The following INPP4B variants were observed in gnomAD, a reference collection of about 807,000 sequenced individuals.
INPP4B encodes the protein inositol polyphosphate 4-phosphatase type II.
Under a neutral mutation model 122.5 loss-of-function variants are expected in INPP4B, and 55 were observed. The observed-to-expected ratio is 0.45, with a 90% CI of 0.36 to 0.56. The LOEUF is 0.56. Among genes scored for constraint, INPP4B ranks in the 20% least tolerant of loss-of-function variants. INPP4B has a pLI of 0.00. For missense variants in INPP4B, 1,000 were observed against 1,097.7 expected (o/e 0.91, Z 1.26); for synonymous variants, 403 against 388.7 (o/e 1.04, Z -0.43).
At chr4:142,550,979 C>T (rs1002670802) in intron 2 of INPP4B, among the ~76,000 whole-genome samples, 12 of 152,074 alleles carry the variant, frequency 7.9e-5, no homozygotes, top group African/African-American at 2.9e-4. Flanking sequence ...TTGCTTGGCA[C>T]ATATGAAATA....
chr4:142,071,560 T>A (rs977122590), intron 25 of INPP4B, among the ~76,000 whole-genome samples: 1 of 152,096 alleles, frequency 6.6e-6, no homozygotes, highest in Non-Finnish European at 1.5e-5. Flanking sequence ...ACCTACAGAA[T>A]GGGAGAAAAT....
chr4:142,041,854 T>C (rs1471154373), intron 25 of INPP4B, among the ~76,000 whole-genome samples: 1 of 151,792 alleles, frequency 6.6e-6, no homozygotes, highest in African/African-American at 2.4e-5. Flanking sequence ...CAGACACATG[T>C]ACTGCATCTC....
chr4:142,745,427 G>A lies in INPP4B; in HGVS notation c.-253-19526C>T, dbSNP rs181894455. 1.1e-4 allele frequency among the ~76,000 whole-genome samples: 17 copies of A among 151,854 alleles called. No individual in the cohort carries two copies. In the East Asian group the frequency reaches 2.3e-3, roughly 21 times the overall value. Reference sequence around the variant, plus strand: ...AGGAAAAATCTTGCCTACTTGTTTCGTAAATATTTGTGGAAAAAAATCGCC... The same window carrying A: ...AGGAAAAATCTTGCCTACTTGTTTCATAAATATTTGTGGAAAAAAATCGCC... On this transcript the variant is annotated intron_variant, in intron 1 of 25. Coordinates refer to ENST00000262992, the MANE Select transcript of INPP4B (RefSeq NM_001101669.3).
intron 1 of INPP4B, among the ~76,000 whole-genome samples, chr4:142,820,297 A>G (rs1028768785): frequency 6.6e-6 from 1 of 152,076 alleles, no homozygotes; most frequent in Non-Finnish European, 1.5e-5. Flanking sequence ...GGGAGAGTGA[A>G]TGAGCTCTTG....
At chr4:142,800,803 TTA>T (rs1226034688) in intron 1 of INPP4B, among the ~76,000 whole-genome samples, 3 of 152,188 alleles carry the variant, frequency 2.0e-5, no homozygotes, top group Non-Finnish European at 4.4e-5. Context: ...TTGGAACGTC[TTA>T]TGTTTCCATT....
At chr4:142,432,318 A>T (rs934415911) in intron 3 of INPP4B, among the ~76,000 whole-genome samples, 1 of 152,260 alleles carries the variant, frequency 6.6e-6, no homozygotes, top group Admixed American at 6.5e-5. Context: ...ACAAACCAAC[A>T]GCCTCACTCT....
At chr4:142,290,614 T>C (rs1463354391) in intron 9 of INPP4B, among the ~76,000 whole-genome samples, 1 of 152,212 alleles carries the variant, frequency 6.6e-6, no homozygotes, top group African/African-American at 2.4e-5. Flanking sequence ...TTAGGGCCTT[T>C]GCACTAGCAA....
rs189823016 is a variant in INPP4B, at chr4:142,190,360, A to G, written c.1181+2727T>C. 4.1e-4 allele frequency among the ~76,000 whole-genome samples: 63 copies of G among 152,244 alleles called. No individual in the cohort carries two copies. The East Asian group carries it at 0.01, about 25-fold the overall frequency. ...CATATAGTCATTTTTACTTCTATAC[A>G]TTGCTGTTGACTGACGTGCAATATT... On this transcript the variant is annotated intron_variant, in intron 15 of 25. Transcript: ENST00000262992.
intron 5 of INPP4B, among the ~76,000 whole-genome samples, chr4:142,414,340 G>T (rs1805234417): frequency 6.6e-6 from 1 of 151,950 alleles, no homozygotes; most frequent in African/African-American, 2.4e-5. Context: ...CACTTCTTTA[G>T]CTGGGAATAT....
At chr4:142,690,414 AAAAGCCTTTT>A (rs768823761) in intron 2 of INPP4B, among the ~76,000 whole-genome samples, 16 of 152,082 alleles carry the variant, frequency 1.1e-4, no homozygotes, top group Non-Finnish European at 1.9e-4. Flanking sequence ...ATAGAAATGT[AAAAGCCTTTT>A]AATTTCTGCT....
At chr4:142,172,020 T>C (rs1825859894) in intron 16 of INPP4B, among the ~76,000 whole-genome samples, 1 of 151,830 alleles carries the variant, frequency 6.6e-6, no homozygotes, top group African/African-American at 2.4e-5. Context: ...AAAAAAGAAA[T>C]GAACCGAAAT....
At chr4:142,297,112 A>C (rs181864750) in intron 9 of INPP4B, among the ~76,000 whole-genome samples, 69 of 152,286 alleles carry the variant, frequency 4.5e-4, no homozygotes, top group South Asian at 8.3e-4. Context: ...CCTGATTTCA[A>C]CCTTTTATTG....
At chr4:142,162,302 A>G (rs1820523984) in intron 16 of INPP4B, among the ~76,000 whole-genome samples, 1 of 151,716 alleles carries the variant, frequency 6.6e-6, no homozygotes, top group Non-Finnish European at 1.5e-5. Context: ...AAGTATTAAA[A>G]TGAGAATGAA....
intron 23 of INPP4B, among the ~76,000 whole-genome samples, chr4:142,105,556 A>C (rs941475911): frequency 1.3e-5 from 2 of 152,208 alleles, no homozygotes; most frequent in Non-Finnish European, 2.9e-5. Context: ...CTGGGAGTGA[A>C]TATATAAGCT....
chr4:142,046,079 G>A (rs1035401522), intron 25 of INPP4B, among the ~76,000 whole-genome samples: 1 of 148,978 alleles, frequency 6.7e-6, no homozygotes, highest in Non-Finnish European at 1.5e-5. Context: ...ATAAAAAAAT[G>A]TGTAAACCAA....
chr4:142,259,561 T>G (rs958295663), intron 11 of INPP4B, among the ~76,000 whole-genome samples: 1 of 146,772 alleles, frequency 6.8e-6, no homozygotes, highest in East Asian at 2.0e-4. Flanking sequence ...TATATTGTTA[T>G]AAAACTAAAA....
intron 15 of INPP4B, among the ~76,000 whole-genome samples, chr4:142,177,264 A>G (rs1008481175): frequency 8.9e-5 from 1 of 11,236 alleles, no homozygotes; most frequent in African/African-American, 2.5e-4. Context: ...TGGTATGGAA[A>G]AAAAAAATCA....
At chr4:142,543,672 A>G (rs1829200810) in intron 2 of INPP4B, among the ~76,000 whole-genome samples, 1 of 152,108 alleles carries the variant, frequency 6.6e-6, no homozygotes, top group Admixed American at 6.6e-5. Flanking sequence ...TTTAAATCTT[A>G]ACTATTACCC....
intron 1 of INPP4B, among the ~76,000 whole-genome samples, chr4:142,823,155 G>T (rs1370379518): frequency 1.3e-5 from 2 of 152,140 alleles, no homozygotes; most frequent in Non-Finnish European, 2.9e-5. Context: ...CCACCCACAA[G>T]GGGCTAGGAA....
Sources: allele counts gnomAD v4.1 joint callset (sites outside exome capture counted in the v4.1 genomes callset), GRCh38; gene constraint gnomAD v4.1.1; transcripts MANE v1.5; gene names NCBI Gene and HGNC (gene_info 2026-07-23, HGNC 2026-07-21).